USP47: variants seen among roughly 807,000 people sequenced by gnomAD.
USP47 encodes ubiquitin carboxyl-terminal hydrolase 47.
A neutral mutation model predicts 165.1 loss-of-function variants in USP47; 35 were observed. The ratio of observed to expected loss-of-function variants is 0.21; its 90% CI spans 0.16 to 0.28. USP47 has a LOEUF of 0.28. Ranked by LOEUF, USP47 falls within the 10% of genes least tolerant of loss-of-function variation. The pLI is 1.00. For missense variants in USP47, 1,277 were observed against 1,607.4 expected, an observed-to-expected ratio of 0.79 and a Z score of 3.52; for synonymous variants, 531 against 544.5, an observed-to-expected ratio of 0.98 and a Z score of 0.35.
intron 8 of USP47, among the ~76,000 whole-genome samples, chr11:11,915,485 T>C (rs1192690376): frequency 6.6e-6 from 1 of 152,174 alleles, no homozygotes; most frequent in Non-Finnish European, 1.5e-5. Context: ...TAGACACATA[T>C]ACACAGGCAA....
intron 8 of USP47, 125 bp downstream of exon 8, chr11:11,905,673 C>T: frequency 1.1e-6 from 1 of 941,642 alleles, no homozygotes; most frequent in Non-Finnish European, 1.4e-6. Flanking sequence ...GTCATTCCTG[C>T]ATTTAAATTA....
At chr11:11,938,917 C>A (rs1855273300) in intron 18 of USP47, among the ~76,000 whole-genome samples, 1 of 151,826 alleles carries the variant, frequency 6.6e-6, no homozygotes, top group Non-Finnish European at 1.5e-5. Flanking sequence ...TGGGGTAAAG[C>A]AGATGCACCG....
At chr11:11,877,896 C>A in intron 1 of USP47, among the ~76,000 whole-genome samples, 1 of 146,080 alleles carries the variant, frequency 6.8e-6, no homozygotes, top group African/African-American at 2.5e-5. Flanking sequence ...GGATATATGC[C>A]AGCATGCTAA....
At chr11:11,909,787 T>C (rs968961167) in intron 8 of USP47, among the ~76,000 whole-genome samples, 1 of 152,236 alleles carries the variant, frequency 6.6e-6, no homozygotes, top group African/African-American at 2.4e-5. Flanking sequence ...ATAAAAGACT[T>C]GTTTCCTAAG....
At chr11:11,852,419 G>A (rs1453233827) in intron 1 of USP47, among the ~76,000 whole-genome samples, 1 of 151,964 alleles carries the variant, frequency 6.6e-6, no homozygotes, top group African/African-American at 2.4e-5. Context: ...TTTGCCAGGG[G>A]GTGCTTTTTC....
chr11:11,866,364 A>G (rs1849680157), intron 1 of USP47, among the ~76,000 whole-genome samples: 1 of 152,220 alleles, frequency 6.6e-6, no homozygotes, highest in Admixed American at 6.5e-5. Context: ...GTTTTTTAAG[A>G]GCTGAAACCC....
At chr11:11,901,275 G>A (rs1852211279) in intron 5 of USP47, among the ~76,000 whole-genome samples, 1 of 152,170 alleles carries the variant, frequency 6.6e-6, no homozygotes, top group African/African-American at 2.4e-5. Context: ...TCTGTAAAGT[G>A]CATCAGAGAA....
At chr11:11,938,920 A>G (rs1439600365) in intron 18 of USP47, among the ~76,000 whole-genome samples, 1 of 151,926 alleles carries the variant, frequency 6.6e-6, no homozygotes, top group Non-Finnish European at 1.5e-5. Context: ...GGTAAAGCAG[A>G]TGCACCGATG....
intron 1 of USP47, among the ~76,000 whole-genome samples, chr11:11,879,886 T>A (rs1850719379): frequency 6.6e-6 from 1 of 152,288 alleles, no homozygotes; most frequent in East Asian, 1.9e-4. Context: ...TCTTCATGGC[T>A]TATTGACCAT....
intron 1 of USP47, among the ~76,000 whole-genome samples, chr11:11,842,876 A>G (rs1848218087): frequency 7.9e-6 from 1 of 127,294 alleles, no homozygotes; most frequent in South Asian, 2.5e-4. Context: ...TGGGTTGTGT[A>G]TGCCAATTTG....
intron 2 of USP47, among the ~76,000 whole-genome samples, chr11:11,881,586 A>G (rs142656419): frequency 4.0e-5 from 6 of 151,774 alleles, no homozygotes; most frequent in South Asian, 2.1e-4. Flanking sequence ...TCTGTTTTCT[A>G]TTTTTTAATT....
intron 8 of USP47, among the ~76,000 whole-genome samples, chr11:11,915,327 C>A (rs190696133): frequency 1.9e-3 from 289 of 152,206 alleles, no homozygotes; most frequent in Middle Eastern, 3.4e-3. Flanking sequence ...CCAGGTCTTA[C>A]GGATTTGGTG....
Position 11,909,891 on chromosome 11 carries a change from TTTATA to T in USP47, c.969+4349_969+4353del, listed in dbSNP as rs1172025243. Among the ~76,000 whole-genome samples the T allele has an allele frequency of 4.6e-5, 7 of 152,294 alleles. No homozygotes were observed. The East Asian group carries it at 5.8e-4, about 13-fold the overall frequency. On this transcript the variant is annotated intron_variant, in intron 8 of 27. Transcript: ENST00000527733. ...AAAGCATTTCAACTATTTACACAAG[TTTATA>T]TTATAAGTCTTACCCTGACATAACA...
intron 1 of USP47, among the ~76,000 whole-genome samples, chr11:11,872,689 G>C (rs1352886068): frequency 1.3e-5 from 2 of 152,002 alleles, no homozygotes; most frequent in African/African-American, 4.8e-5. Flanking sequence ...TGGGAGAACA[G>C]TGTTGAAAGA....
chr11:11,879,550 A>G (rs1344234959), intron 1 of USP47, among the ~76,000 whole-genome samples: 4 of 152,034 alleles, frequency 2.6e-5, no homozygotes, highest in African/African-American at 9.7e-5. Flanking sequence ...TGGTAATTGA[A>G]ACTGTTTCCT....
chr11:11,916,913 G>A (rs1853462643), intron 8 of USP47, among the ~76,000 whole-genome samples: 1 of 151,174 alleles, frequency 6.6e-6, no homozygotes, highest in South Asian at 2.1e-4. Context: ...ATTTTGAGAG[G>A]CTGAGGCAGG....
intron 8 of USP47, among the ~76,000 whole-genome samples, chr11:11,909,915 C>T (rs1852840377): frequency 6.6e-6 from 1 of 152,196 alleles, no homozygotes; most frequent in Admixed American, 6.5e-5. Flanking sequence ...CTTACCCTGA[C>T]ATAACAGGTG....
At chr11:11,906,058 A>G (rs1852541806) in intron 8 of USP47, among the ~76,000 whole-genome samples, 1 of 152,182 alleles carries the variant, frequency 6.6e-6, no homozygotes, top group African/African-American at 2.4e-5. Flanking sequence ...AATTCAAAGA[A>G]TCAAAACTGT....
At chr11:11,950,230 C>T (rs1856127322) in intron 23 of USP47, 134 bp from the exon 24 acceptor site, 3 of 729,528 alleles carry the variant, frequency 4.1e-6, no homozygotes, top group Admixed American at 3.5e-5. Flanking sequence ...CTTTATTTCC[C>T]CAGATTTTAA....
Sources: allele counts gnomAD v4.1 joint callset (sites outside exome capture counted in the v4.1 genomes callset), GRCh38; gene constraint gnomAD v4.1.1; transcripts MANE v1.5; gene names NCBI Gene and HGNC (gene_info 2026-07-23, HGNC 2026-07-21).